The following SIDT2 variants were observed in gnomAD, a reference collection of about 807,000 sequenced individuals.
SIDT2 encodes SID1 transmembrane family, member 2.
In SIDT2, 68 loss-of-function variants were observed where a neutral mutation model predicts 114.4. That is an observed-to-expected ratio of 0.59 (90% confidence interval 0.49 to 0.73). The LOEUF (loss-of-function observed/expected upper bound fraction) is 0.73. Ranked by LOEUF, SIDT2 falls within the 30% of genes least tolerant of loss-of-function variation. The probability of loss-of-function intolerance (pLI) is 0.00; values close to 1 mark genes in which losing one functional copy is unlikely to be tolerated. For missense variants in SIDT2, 918 were observed against 1,097.1 expected (o/e 0.84, Z 2.31); for synonymous variants, 470 against 438.4 (o/e 1.07, Z -0.90).
Position 117,179,436 on chromosome 11 carries a change from C to T in SIDT2, c.173C>T (p.Thr58Ile), listed in dbSNP as rs370825545. Residue 58 changes from threonine (T) to isoleucine (I), a missense_variant, in exon 1 of 26, where the codon ACC (threonine) becomes ATC (isoleucine). Around this residue, in one of 4 missense-constraint regions of SIDT2, gnomAD observed 553 missense variants for 600.1 expected, o/e 0.92. Coordinates refer to ENST00000324225, the MANE Select transcript of SIDT2 (RefSeq NM_001040455.2). ...ATCTACACCTTCAACCATACTGTGA[C>T]CCGCAACAGGGTGAGGGCTGGGGGC... The part of the protein sequence containing the change: ...VNIYTFNHTV[T>I]RNRTEGVRVS... 1.2e-6 allele frequency: 2 copies of T among 1,613,146 alleles called. No homozygotes were observed. Among genetic ancestry groups the T allele is most frequent in the African/African-American group, 2.7e-5 (2 of 74,932 alleles).
At chr11:117,187,147 C>G (rs1591768698) in intron 10 of SIDT2, 3 of 1,218,606 alleles carry the variant, frequency 2.5e-6, no homozygotes. Flanking sequence ...TGAACTTTCT[C>G]TCTCCTTAGG....
chr11:117,193,291 C>G, intron 23 of SIDT2, 33 bp downstream of exon 23: 1 of 1,555,966 alleles, frequency 6.4e-7, no homozygotes, highest in South Asian at 1.1e-5. Flanking sequence ...CCTCTGTCAG[C>G]TGCTCTGCTA....
At position 117,188,453 on chromosome 11, in the gene SIDT2, T is replaced by C; in HGVS notation, c.1160-255T>C. ...CTGGGAAGCCCTAGCCCATGAGGGG[T>C]GCCAGGAACAGAGCAAAGCTAGAGC... On this transcript the variant is annotated intron_variant, in intron 12 of 25. Transcript: ENST00000324225. The surrounding 1 kb of genome is among the most constrained non-coding windows in gnomAD (Gnocchi z 4.0). 1 of 520,178 alleles carries C rather than the reference T, an allele frequency of 1.9e-6. No homozygotes were observed. The highest frequency in any genetic ancestry group is 3.5e-6 in the Non-Finnish European group (1 of 288,468). 32.2% of individuals were successfully genotyped at this position (520,178 alleles called of 1,614,324 possible). A position where few individuals can be genotyped will look rare whatever the true frequency, so the allele number is the denominator to read the frequency against.
At chr11:117,181,616 AT>A in intron 2 of SIDT2, 79 bp downstream of exon 2, 4 of 1,601,280 alleles carry the variant, frequency 2.5e-6, no homozygotes, top group Non-Finnish European at 3.4e-6. Context: ...GAGCCCCCCC[AT>A]TTCTCCTCCC....
At chr11:117,183,490 T>C (rs971976638) in intron 6 of SIDT2, among the ~76,000 whole-genome samples, 1 of 152,014 alleles carries the variant, frequency 6.6e-6, no homozygotes. Context: ...ACATAAAAAT[T>C]AGCTGGGCGT....
At position 117,192,262 on chromosome 11, in the gene SIDT2, C is replaced by T. The variant is rs748296297; in HGVS notation, c.1881C>T (p.Gly627=). Residue 627 remains glycine (G), a synonymous_variant, in exon 20 of 26, where the codon GGC becomes GGT. Coordinates refer to ENST00000324225, the MANE Select transcript of SIDT2 (RefSeq NM_001040455.2). The surrounding 1 kb of genome is among the most constrained non-coding windows in gnomAD (Gnocchi z 5.9). ...IFFSVLGVVF[G]KGNTAFWIVF... ...TGGTGGCCTCCCGACAGGTCTTTGGCAAAGGGAACACGGCGTTCTGGATCG... is the reference window on the plus strand; with the variant it reads ...TGGTGGCCTCCCGACAGGTCTTTGGTAAAGGGAACACGGCGTTCTGGATCG... 6.2e-7 allele frequency: 1 copy of T among 1,607,776 alleles called. No homozygotes were observed. Among genetic ancestry groups the T allele is most frequent in the South Asian group, 1.1e-5 (1 of 90,946 alleles).
intron 10 of SIDT2, 55 bp downstream of exon 10, chr11:117,186,691 G>A: frequency 6.7e-7 from 1 of 1,496,678 alleles, no homozygotes; most frequent in Non-Finnish European, 9.0e-7. Context: ...GTTTTGGGGG[G>A]TGGTGGTGGA....
intron 9 of SIDT2, 33 bp from the exon 10 acceptor site, chr11:117,186,551 C>T: frequency 6.5e-7 from 1 of 1,537,202 alleles, no homozygotes. Context: ...TGTCCTGTCC[C>T]ATCTGGGTGG....
chr11:117,184,032 G>A (rs760077583), intron 7 of SIDT2, 42 bp from the exon 8 acceptor site: 13 of 1,611,680 alleles, frequency 8.1e-6, no homozygotes, highest in Non-Finnish European at 1.1e-5. Context: ...CTCTAGCCAA[G>A]CTCCAGGCAA....
Position 117,190,779 on chromosome 11 carries a change from C to A in SIDT2, c.1735+39C>A. On this transcript the variant is annotated intron_variant, in intron 18 of 25. Transcript: ENST00000324225. The surrounding 1 kb of genome is among the most constrained non-coding windows in gnomAD (Gnocchi z 4.1). The stretch of plus-strand genomic sequence containing the variant: ...CCTTCTTTTCTGGCTCAACCTACAG[C>A]AGGGACCTGCCTGAGTCCTTCACTA... 1.3e-6 allele frequency: 2 copies of A among 1,513,916 alleles called. No homozygotes were observed. Among genetic ancestry groups the A allele is most frequent in the Non-Finnish European group, 1.8e-6 (2 of 1,088,938 alleles). 93.8% of individuals were successfully genotyped at this position (1,513,916 alleles called of 1,614,324 possible).
chr11:117,183,679 C>T, intron 6 of SIDT2, 100 bp from the exon 7 acceptor site: 1 of 867,262 alleles, frequency 1.2e-6, no homozygotes. Context: ...TAAAATATAT[C>T]TATGAAGAAT....
intron 1 of SIDT2, chr11:117,179,937 C>T (rs2030210673): frequency 6.5e-6 from 1 of 152,684 alleles, no homozygotes; most frequent in Non-Finnish European, 1.5e-5. Context: ...GCCAGCTGGC[C>T]TTGTAAATTG....
At chr11:117,193,812 G>C in intron 23 of SIDT2, 41 bp from the exon 24 acceptor site, 2 of 1,475,364 alleles carry the variant, frequency 1.4e-6, no homozygotes, top group Non-Finnish European at 1.9e-6. Flanking sequence ...GTGGGACAGG[G>C]GTAAGCCCTC....
At position 117,190,438 on chromosome 11, in the gene SIDT2, C is replaced by A; in HGVS notation, c.1617+149C>A. 1 of 1,308,060 alleles carries A rather than the reference C, an allele frequency of 7.6e-7. No individual in the cohort carries two copies. The highest frequency in any genetic ancestry group is 1.5e-5 in the South Asian group (1 of 66,466). 81.0% of individuals were successfully genotyped at this position (1,308,060 alleles called of 1,614,324 possible). A position where few individuals can be genotyped will look rare whatever the true frequency, so the allele number is the denominator to read the frequency against. On this transcript the variant is annotated intron_variant, in intron 17 of 25. Coordinates refer to ENST00000324225, the MANE Select transcript of SIDT2 (RefSeq NM_001040455.2). The surrounding 1 kb of genome is among the most constrained non-coding windows in gnomAD (Gnocchi z 4.1). Reference sequence around the variant, plus strand: ...GTCTGGCCCACCCTATCCAGCCCAGCCTGCCCCACCCTGCCCTGCCCTCCC... The same window carrying A: ...GTCTGGCCCACCCTATCCAGCCCAGACTGCCCCACCCTGCCCTGCCCTCCC...
chr11:117,186,757 G>T, intron 10 of SIDT2, 121 bp downstream of exon 10: 1 of 972,796 alleles, frequency 1.0e-6, no homozygotes, highest in East Asian at 2.7e-5. Context: ...TGTTCAGATG[G>T]GGGTAACACT....
rs2030491396 is a variant in SIDT2, at chr11:117,186,243, C to T, written c.962+20C>T. 1 of 1,610,030 alleles carries T rather than the reference C, an allele frequency of 6.2e-7. No homozygotes were observed. Among genetic ancestry groups the T allele is most frequent in the African/African-American group, 1.3e-5 (1 of 74,932 alleles). ...CTGGAGGTAAAGTGGAACTGCTGGG[C>T]CTCCCCTGGTCTGGGTGGTTTGGGC... On this transcript the variant is annotated intron_variant, in intron 9 of 25. Coordinates refer to ENST00000324225, the MANE Select transcript of SIDT2 (RefSeq NM_001040455.2).
At position 117,181,521 on chromosome 11, in the gene SIDT2, C is replaced by T. The variant is rs1235360571; in HGVS notation, c.289C>T (p.Leu97=). 1 of 1,613,908 alleles carries T rather than the reference C, an allele frequency of 6.2e-7. No individual in the cohort carries two copies. The highest frequency in any genetic ancestry group is 1.1e-5 in the South Asian group (1 of 91,068). ...KEAVVSFQVP[L]ILRGMFQRKY... ...GGCTGTGGTGTCCTTCCAGGTGCCC[C>T]TAATCCTGCGAGGGATGTGAGTAGG... Residue 97 remains leucine, a synonymous_variant, in exon 2 of 26, where the codon CTA becomes TTA. Coordinates refer to ENST00000324225, the MANE Select transcript of SIDT2 (RefSeq NM_001040455.2).
At chr11:117,186,501 G>C in intron 9 of SIDT2, 83 bp from the exon 10 acceptor site, 1 of 1,325,160 alleles carries the variant, frequency 7.5e-7, no homozygotes, top group East Asian at 2.3e-5. Flanking sequence ...GAGTGGAGCA[G>C]AGAGGTAGAA....
In SIDT2 at chr11:117,192,115, T is replaced by G; in HGVS notation, c.1872+101T>G. 6.4e-7 allele frequency: 1 copy of G among 1,572,012 alleles called. No individual in the cohort carries two copies. The highest frequency in any genetic ancestry group is 8.7e-7 in the Non-Finnish European group (1 of 1,152,426). On this transcript the variant is annotated intron_variant, in intron 19 of 25. Coordinates refer to ENST00000324225, the MANE Select transcript of SIDT2 (RefSeq NM_001040455.2). This position sits in a 1 kb window ranked among gnomAD's most constrained non-coding sequence, Gnocchi z 5.9. ...CTCCGCCACCTCCTGCATGAGAGAT[T>G]CCTGCTCCTTCCCTGAGATGCCTTC...
Sources: allele counts gnomAD v4.1 joint callset (sites outside exome capture counted in the v4.1 genomes callset), GRCh38; gene constraint gnomAD v4.1.1; regional missense constraint gnomAD v4.1.1; non-coding constraint Gnocchi (gnomAD v3.1); transcripts MANE v1.5; gene names NCBI Gene and HGNC (gene_info 2026-07-23, HGNC 2026-07-21).